The following ZNF395 variants were observed in gnomAD, a reference collection of about 807,000 sequenced individuals.
ZNF395 encodes zinc finger protein 395, also known as HD gene regulatory region-binding protein 2.
A neutral mutation model predicts 57.7 loss-of-function variants in ZNF395; 20 were observed. The observed-to-expected ratio is 0.35, with a 90% CI of 0.24 to 0.50. The LOEUF (loss-of-function observed/expected upper bound fraction) is 0.50, where lower values mean the gene tolerates loss of function less well. Ranked by LOEUF, ZNF395 falls within the 20% of genes least tolerant of loss-of-function variation. ZNF395 has a pLI of 0.97. For missense variants in ZNF395, 606 were observed against 671.2 expected, an observed-to-expected ratio of 0.90 and a Z score of 1.07; for synonymous variants, 295 against 275.9, an observed-to-expected ratio of 1.07 and a Z score of -0.69.
intron 1 of ZNF395, among the ~76,000 whole-genome samples, chr8:28,363,262 G>A (rs956910098): frequency 6.6e-6 from 1 of 151,984 alleles, no homozygotes; most frequent in African/African-American, 2.4e-5. Flanking sequence ...CTCCCAAGTA[G>A]CTGGAACCAC....
At chr8:28,363,143 G>GT (rs1325236609) in intron 1 of ZNF395, among the ~76,000 whole-genome samples, 1 of 132,920 alleles carries the variant, frequency 7.5e-6, no homozygotes, top group South Asian at 2.5e-4. Context: ...TTTTTTTTTT[G>GT]TTTTTTAAGA....
At position 28,360,969 on chromosome 8, in the gene ZNF395, G is replaced by T. The variant is rs368449433; in HGVS notation, c.156C>A (p.Thr52=). Residue 52 remains threonine, a synonymous_variant, in exon 2 of 10, where the codon ACC becomes ACA. Coordinates refer to ENST00000344423, the MANE Select transcript of ZNF395 (RefSeq NM_018660.3). The part of the protein sequence containing the change: ...APQPFTTSDD[T]PCQEQPKEVL... ...CTTCCTTGGGCTGCTCCTGGCAGGG[G>T]GTGTCATCAGAGGTGGTGAAAGGCT... The T allele has an allele frequency of 6.2e-7, 1 of 1,613,568 alleles. No homozygotes were observed. Among genetic ancestry groups the T allele is most frequent in the South Asian group, 1.1e-5 (1 of 91,066 alleles).
At position 28,352,954 on chromosome 8, in the gene ZNF395, A is replaced by G. The variant is rs1706886887; in HGVS notation, c.819+219T>C. On this transcript the variant is annotated intron_variant, in intron 5 of 9. Coordinates refer to ENST00000344423, the MANE Select transcript of ZNF395 (RefSeq NM_018660.3). This position sits in a 1 kb window ranked among gnomAD's most constrained non-coding sequence, Gnocchi z 4.0. ...TCTGCAGAAACACAGGAAAGAAGGC[A>G]GGGATTGGGGTGGAGGCTAAAACAG... 6.6e-6 allele frequency among the ~76,000 whole-genome samples: 1 copy of G among 152,222 alleles called. No homozygotes were observed. The highest frequency in any genetic ancestry group is 1.5e-5 in the Non-Finnish European group (1 of 68,028).
At chr8:28,357,375 A>G (rs943327433) in intron 3 of ZNF395, among the ~76,000 whole-genome samples, 3 of 152,230 alleles carry the variant, frequency 2.0e-5, no homozygotes, top group Non-Finnish European at 4.4e-5. Flanking sequence ...AAGCACTAAA[A>G]TAAATCTCCC....
chr8:28,356,908 G>T lies in ZNF395; in HGVS notation c.474-129C>A. On this transcript the variant is annotated intron_variant, in intron 3 of 9. Transcript: ENST00000344423. The surrounding 1 kb of genome is among the most constrained non-coding windows in gnomAD (Gnocchi z 4.0). ...TACACTTCTGGACTGTCCCCTCCAAGTGCCCCCAACTCCAATCAGCCAGTG... is the reference window on the plus strand; with the variant it reads ...TACACTTCTGGACTGTCCCCTCCAATTGCCCCCAACTCCAATCAGCCAGTG... 1 of 689,044 alleles carries T rather than the reference G, an allele frequency of 1.5e-6. No homozygotes were observed. The highest frequency in any genetic ancestry group is 2.5e-6 in the Non-Finnish European group (1 of 405,608). The allele number at this position is 689,044 out of a possible 1,614,324, so 42.7% of individuals were successfully genotyped here. A position where few individuals can be genotyped will look rare whatever the true frequency, so the allele number is the denominator to read the frequency against.
At chr8:28,353,068 A>C in intron 5 of ZNF395, 105 bp downstream of exon 5, 1 of 1,069,214 alleles carries the variant, frequency 9.4e-7, no homozygotes, top group Non-Finnish European at 1.4e-6. Context: ...AGTGAACCCA[A>C]GACTATCTAG....
rs983255704 is a variant in ZNF395, at chr8:28,359,535, C to T, written c.473+57G>A. ...TTCCCCACCACAACACAGCCCACAC[C>T]CTTACACCACACTACCCACGTGACT... On this transcript the variant is annotated intron_variant, in intron 3 of 9. Transcript: ENST00000344423. The surrounding 1 kb of genome is among the most constrained non-coding windows in gnomAD (Gnocchi z 4.7). The T allele has an allele frequency of 3.9e-6, 6 of 1,536,944 alleles. No individual in the cohort carries two copies. The African/African-American group carries it at 8.2e-5, about 21-fold the overall frequency.
At chr8:28,357,246 G>T (rs1441073877) in intron 3 of ZNF395, among the ~76,000 whole-genome samples, 1 of 152,060 alleles carries the variant, frequency 6.6e-6, no homozygotes, top group African/African-American at 2.4e-5. Context: ...ATTTAAGAGG[G>T]AACAATTATA....
intron 1 of ZNF395, among the ~76,000 whole-genome samples, chr8:28,383,696 G>T (rs1409429062): frequency 6.6e-6 from 1 of 152,058 alleles, no homozygotes; most frequent in Non-Finnish European, 1.5e-5. Flanking sequence ...ACCACTCAAA[G>T]GCATCCTCCG....
intron 1 of ZNF395, chr8:28,368,706 AAC>A (rs998738263): frequency 2.8e-4 from 42 of 152,020 alleles, no homozygotes; most frequent in African/African-American, 9.9e-4. Context: ...AAAAATATAA[AAC>A]ACAGACGTGA....
intron 8 of ZNF395, among the ~76,000 whole-genome samples, chr8:28,349,675 T>C (rs369335503): frequency 2.0e-5 from 3 of 152,192 alleles, no homozygotes; most frequent in East Asian, 1.9e-4. Flanking sequence ...TCCAGTGGCC[T>C]TGAGATTTCT....
In ZNF395 at chr8:28,361,011, T is replaced by C; in HGVS notation, c.114A>G (p.Leu38=). The C allele has an allele frequency of 6.2e-7, 1 of 1,610,876 alleles. No individual in the cohort carries two copies. The highest frequency in any genetic ancestry group is 8.5e-7 in the Non-Finnish European group (1 of 1,178,324). The change falls in exon 2 of 10, where the codon CTA becomes CTG. Residue 38 remains leucine, a synonymous_variant. Transcript: ENST00000344423. The part of the protein sequence containing the change: ...PSAAPPSEPL[L]EGAAPQPFTT... ...TGAAAGGCTGGGGAGCGGCCCCTTC[T>C]AGCAGTGGCTCCGAGGGTGGGGCAG...
In ZNF395 at chr8:28,351,583, G is replaced by A. The variant is rs749438119; in HGVS notation, c.1145C>T (p.Pro382Leu). The A allele has an allele frequency of 7.4e-6, 12 of 1,613,808 alleles. No individual in the cohort carries two copies. The highest frequency in any genetic ancestry group is 1.0e-5 in the Non-Finnish European group (12 of 1,180,006). The change falls in exon 7 of 10, where the codon CCT (proline) becomes CTT (leucine). Residue 382 changes from proline (P) to leucine (L), a missense_variant. This residue lies in a region of ZNF395 where 261 missense variants were observed against 240.3 expected (regional missense o/e 1.09). Transcript: ENST00000344423. ...HKAQSSGPEH[P>L]GPESSLPSGA... Reference sequence around the variant, plus strand: ...TGAGGGCAGGGAGGACTCCGGGCCAGGATGTTCTGGGCCGGAGGACTGGGC... The same window carrying A: ...TGAGGGCAGGGAGGACTCCGGGCCAAGATGTTCTGGGCCGGAGGACTGGGC...
In ZNF395 at chr8:28,361,013, G is replaced by C; in HGVS notation, c.112C>G (p.Leu38Val). 1 of 1,610,910 alleles carries C rather than the reference G, an allele frequency of 6.2e-7. No homozygotes were observed. Among genetic ancestry groups the C allele is most frequent in the Non-Finnish European group, 8.5e-7 (1 of 1,178,368 alleles). The change falls in exon 2 of 10, where the codon CTA becomes GTA. Residue 38 changes from leucine (L) to valine (V), a missense_variant. By Grantham distance (32) the Leu-to-Val change is conservative (BLOSUM62 1). Coordinates refer to ENST00000344423, the MANE Select transcript of ZNF395 (RefSeq NM_018660.3). ...PSAAPPSEPLLEGAAPQPFTT... is the reference protein window; with the variant it reads ...PSAAPPSEPLVEGAAPQPFTT... ...AAAGGCTGGGGAGCGGCCCCTTCTAGCAGTGGCTCCGAGGGTGGGGCAGCC... is the reference window on the plus strand; with the variant it reads ...AAAGGCTGGGGAGCGGCCCCTTCTACCAGTGGCTCCGAGGGTGGGGCAGCC...
intron 1 of ZNF395, among the ~76,000 whole-genome samples, chr8:28,381,011 G>A (rs1280126563): frequency 8.0e-6 from 1 of 125,710 alleles, no homozygotes; most frequent in Non-Finnish European, 1.6e-5. Flanking sequence ...ACCACACCCT[G>A]CTAGTGTGTG....
rs1327675474 is a variant in ZNF395 at position 28,348,693 on chromosome 8, G to T, written c.*26C>A. On this transcript the variant is annotated 3_prime_UTR_variant, in exon 10 of 10. Coordinates refer to ENST00000344423, the MANE Select transcript of ZNF395 (RefSeq NM_018660.3). ...TGTCAGTGGCTGCCGGCAGGGCCAG[G>T]AACAGAGTAGAACCTGCAGCACAGC... 4.4e-6 allele frequency: 7 copies of T among 1,604,866 alleles called. No homozygotes were observed. Among genetic ancestry groups the T allele is most frequent in the Non-Finnish European group, 5.1e-6 (6 of 1,172,104 alleles).
In ZNF395 at chr8:28,359,804, AC is replaced by A. The variant is rs1414791070; in HGVS notation, c.260del (p.Gly87ValfsTer18). 2 of 1,613,560 alleles carry A rather than the reference AC, an allele frequency of 1.2e-6. No homozygotes were observed. Among genetic ancestry groups the A allele is most frequent in the Non-Finnish European group, 1.7e-6 (2 of 1,179,926 alleles). On this transcript the variant is annotated frameshift_variant, in exon 3 of 10. Transcript: ENST00000344423. LOFTEE classifies it high-confidence loss of function. This position sits in a 1 kb window ranked among gnomAD's most constrained non-coding sequence, Gnocchi z 4.7. ...GCTCCACCAGTCCTGTGCACTCTTG[AC>A]CCCCGTACCACACATAAACCTGTGG... ...PGQKVYVWYGGQECTGLVEQH... is the reference protein window; with the variant it reads ...PGQKVYVWYGXQECTGLVEQH...
chr8:28,375,101 A>C (rs1257631152), intron 1 of ZNF395, among the ~76,000 whole-genome samples: 1 of 152,088 alleles, frequency 6.6e-6, no homozygotes, highest in East Asian at 1.9e-4. Context: ...GAAATACAAA[A>C]TTGGCTGTGC....
chr8:28,374,876 T>C (rs188525065), intron 1 of ZNF395, among the ~76,000 whole-genome samples: 13 of 152,320 alleles, frequency 8.5e-5, no homozygotes, highest in Admixed American at 8.5e-4. Flanking sequence ...GGCCTAGCTG[T>C]CTGTGGTTTT....
Sources: allele counts gnomAD v4.1 joint callset (sites outside exome capture counted in the v4.1 genomes callset), GRCh38; gene constraint gnomAD v4.1.1; regional missense constraint gnomAD v4.1.1; non-coding constraint Gnocchi (gnomAD v3.1); transcripts MANE v1.5; gene names NCBI Gene and HGNC (gene_info 2026-07-23, HGNC 2026-07-21).